The following WDFY2 variants were observed in gnomAD, a reference collection of about 807,000 sequenced individuals.
The protein encoded by WDFY2 is WD repeat and FYVE domain-containing protein 2.
A neutral mutation model predicts 56.4 loss-of-function variants in WDFY2; 36 were observed. The observed-to-expected ratio is 0.64, with a 90% CI of 0.49 to 0.84. The LOEUF (loss-of-function observed/expected upper bound fraction) is 0.84. Ranked by LOEUF, WDFY2 falls within the 40% of genes least tolerant of loss-of-function variation. The probability of loss-of-function intolerance (pLI) is 0.00; values close to 1 mark genes in which losing one functional copy is unlikely to be tolerated. For synonymous variants in WDFY2, 176 were observed against 183.7 expected (o/e 0.96, Z 0.34); for missense variants, 444 against 512.2 (o/e 0.87, Z 1.29).
At chr13:51,605,529 T>C (rs1246581344) in intron 1 of WDFY2, among the ~76,000 whole-genome samples, 1 of 152,224 alleles carries the variant, frequency 6.6e-6, no homozygotes, top group African/African-American at 2.4e-5. Context: ...ATGGTAGACA[T>C]GGGTTGTATA....
intron 1 of WDFY2, among the ~76,000 whole-genome samples, chr13:51,597,034 A>G (rs1954164769): frequency 1.3e-5 from 2 of 152,206 alleles, no homozygotes; most frequent in Admixed American, 1.3e-4. Context: ...GGGCTTGTCT[A>G]CAGGTAGATT....
chr13:51,748,271 G>A (rs1953150264), intron 7 of WDFY2, among the ~76,000 whole-genome samples: 1 of 152,208 alleles, frequency 6.6e-6, no homozygotes, highest in African/African-American at 2.4e-5. Context: ...AGCCAGTGGG[G>A]ACTGGACACA....
rs763206231 is a variant in WDFY2, at chr13:51,719,239, C to G, written c.376C>G (p.Leu126Val). The G allele has an allele frequency of 1.2e-6, 2 of 1,614,082 alleles. No individual in the cohort carries two copies. The highest frequency in any genetic ancestry group is 2.7e-5 in the African/African-American group (2 of 74,936). ...GACGATGATCCTGTTTGTCCTGGAG[C>G]TGGAGTGGGTGCTGAGCACAGGACA... Reference protein sequence around the residue: ...RVTMILFVLELEWVLSTGQDK... With the variant: ...RVTMILFVLEVEWVLSTGQDK... The change falls in exon 5 of 12, where the codon CTG (leucine) becomes GTG (valine). Residue 126 changes from leucine to valine, a missense_variant. Leu to Val is a conservative substitution (Grantham distance 32). Transcript: ENST00000298125.
intron 4 of WDFY2, among the ~76,000 whole-genome samples, chr13:51,717,246 A>T (rs1170929226): frequency 6.6e-6 from 1 of 152,160 alleles, no homozygotes; most frequent in East Asian, 1.9e-4. Context: ...TCAATAAAAG[A>T]ATCTTTTTCA....
chr13:51,591,988 T>G (rs1329922737), intron 1 of WDFY2: 1 of 114,828 alleles, frequency 8.7e-6, no homozygotes. Flanking sequence ...AGAAAAAAAG[T>G]AGGAATGTTG....
In WDFY2 at chr13:51,584,471, C is replaced by T. The variant is rs1029593413; in HGVS notation, c.-217C>T. 4 of 585,578 alleles carry T rather than the reference C, an allele frequency of 6.8e-6. No homozygotes were observed. The highest frequency in any genetic ancestry group is 3.2e-5 in the East Asian group (1 of 31,316). The allele number at this position is 585,578 out of a possible 1,614,324, so 36.3% of individuals were successfully genotyped here. ...TCCGCCCCCTCCTCTTGTAGTGGCG[C>T]CGGCTTGCATCCCAGGTCGTGGCGG... On this transcript the variant is annotated 5_prime_UTR_variant, in exon 1 of 12. Coordinates refer to ENST00000298125, the MANE Select transcript of WDFY2 (RefSeq NM_052950.4).
At chr13:51,662,450 TG>T (rs1955632373) in intron 2 of WDFY2, among the ~76,000 whole-genome samples, 3 of 152,114 alleles carry the variant, frequency 2.0e-5, no homozygotes, top group Admixed American at 2.0e-4. Flanking sequence ...GGCAAAATGA[TG>T]GGGATTTGGG....
chr13:51,604,808 G>C (rs1954354802), intron 1 of WDFY2, among the ~76,000 whole-genome samples: 1 of 152,196 alleles, frequency 6.6e-6, no homozygotes, highest in Non-Finnish European at 1.5e-5. Context: ...GGGAGGTCTA[G>C]TTAAAGGTTA....
chr13:51,662,244 G>T (rs985784910), intron 2 of WDFY2, among the ~76,000 whole-genome samples: 1 of 152,122 alleles, frequency 6.6e-6, no homozygotes, highest in Non-Finnish European at 1.5e-5. Flanking sequence ...GTGCTTACAG[G>T]CATGAGCCAC....
chr13:51,639,921 TA>T (rs943788446), intron 1 of WDFY2, among the ~76,000 whole-genome samples: 10 of 152,230 alleles, frequency 6.6e-5, no homozygotes, highest in Non-Finnish European at 1.2e-4. Flanking sequence ...TGAGAGCTTT[TA>T]AAAAATTTCT....
Position 51,727,676 on chromosome 13 carries a change from A to G in WDFY2, c.486-2A>G. 1 of 1,612,520 alleles carries G rather than the reference A, an allele frequency of 6.2e-7. No homozygotes were observed. Among genetic ancestry groups the G allele is most frequent in the Non-Finnish European group, 8.5e-7 (1 of 1,179,444 alleles). On this transcript the variant is annotated splice_acceptor_variant, in intron 5 of 11. Transcript: ENST00000298125. LOFTEE classifies it high-confidence loss of function. ...AAACAATCCTTAATGCTTTCATGAC[A>G]GATTTGATGTTGAAACCCGGCATGT... is the stretch of plus-strand genomic sequence containing the variant.
rs913715259 is a variant in WDFY2, at chr13:51,767,470, C to A, written c.*7701C>A. On this transcript the variant is annotated 3_prime_UTR_variant, in exon 12 of 12. Coordinates refer to ENST00000298125, the MANE Select transcript of WDFY2 (RefSeq NM_052950.4). ...AGAAGCTGCAGCCGTCTGGGTTTTCCTCTGCTATGGGGGATGAGTTACGTT... is the reference window on the plus strand; with the variant it reads ...AGAAGCTGCAGCCGTCTGGGTTTTCATCTGCTATGGGGGATGAGTTACGTT... The A allele has an allele frequency of 6.6e-6, 1 of 152,274 alleles. No individual in the cohort carries two copies. The highest frequency in any genetic ancestry group is 1.5e-5 in the Non-Finnish European group (1 of 68,046). 9.4% of individuals were successfully genotyped at this position (152,274 alleles called of 1,614,324 possible).
chr13:51,657,599 TTGA>T (rs1378973207), intron 1 of WDFY2, among the ~76,000 whole-genome samples: 1 of 152,204 alleles, frequency 6.6e-6, no homozygotes, highest in African/African-American at 2.4e-5. Context: ...GTTGGTACAC[TTGA>T]TGATGTCCCA....
intron 2 of WDFY2, among the ~76,000 whole-genome samples, chr13:51,661,890 G>A (rs1955620845): frequency 6.6e-6 from 1 of 152,098 alleles, no homozygotes; most frequent in Non-Finnish European, 1.5e-5. Flanking sequence ...TTCTTTTTAA[G>A]CCATGGCGGT....
At chr13:51,725,260 T>C (rs1407231644) in intron 5 of WDFY2, among the ~76,000 whole-genome samples, 2 of 152,220 alleles carry the variant, frequency 1.3e-5, no homozygotes, top group Non-Finnish European at 2.9e-5. Flanking sequence ...ACAATAAGAC[T>C]ACTGAATGAG....
chr13:51,594,665 A>C (rs935644068), intron 1 of WDFY2, among the ~76,000 whole-genome samples: 1 of 152,212 alleles, frequency 6.6e-6, no homozygotes, highest in East Asian at 1.9e-4. Flanking sequence ...TGTCCAGGTC[A>C]TCTGGCTAAT....
intron 1 of WDFY2, among the ~76,000 whole-genome samples, chr13:51,629,333 C>A (rs1954904113): frequency 6.6e-6 from 1 of 152,136 alleles, no homozygotes; most frequent in Non-Finnish European, 1.5e-5. Flanking sequence ...AATTTTAAGT[C>A]TTTGGCAATT....
chr13:51,740,950 T>G (rs995337848), intron 7 of WDFY2, among the ~76,000 whole-genome samples: 3 of 152,248 alleles, frequency 2.0e-5, no homozygotes, highest in Non-Finnish European at 2.9e-5. Flanking sequence ...GATGCTGAAC[T>G]GCAGCAGTGC....
intron 1 of WDFY2, among the ~76,000 whole-genome samples, chr13:51,654,421 G>C (rs935983229): frequency 3.3e-5 from 5 of 152,102 alleles, no homozygotes; most frequent in Non-Finnish European, 7.4e-5. Context: ...TGCACTCACT[G>C]TCCGACAATC....
Sources: gnomAD v4.1 joint callset for allele counts (sites outside exome capture counted in the v4.1 genomes callset) on GRCh38, gnomAD v4.1.1 for gene constraint, MANE v1.5 for transcripts, NCBI Gene and HGNC (gene_info 2026-07-23, HGNC 2026-07-21) for gene names.